Variants in C7orf57 observed in about 807,000 individuals in gnomAD.
C7orf57 encodes the protein uncharacterized protein C7orf57.
Under a neutral mutation model 39.0 loss-of-function variants are expected in C7orf57, and 33 were observed. The observed-to-expected ratio is 0.85, with a 90% CI of 0.64 to 1.13. The LOEUF (loss-of-function observed/expected upper bound fraction) is 1.13. C7orf57 is among the 50% of genes most tolerant of loss of function. The probability of loss-of-function intolerance (pLI) is 0.00; values close to 1 mark genes in which losing one functional copy is unlikely to be tolerated. For missense variants in C7orf57, 346 were observed against 362.3 expected (o/e 0.95, Z 0.37); for synonymous variants, 124 against 137.1 (o/e 0.90, Z 0.67).
intron 2 of C7orf57, among the ~76,000 whole-genome samples, chr7:48,037,813 T>C (rs1790427771): frequency 6.6e-6 from 1 of 151,810 alleles, no homozygotes. Flanking sequence ...TGGTTCTTAC[T>C]GATCCAGGCC....
intron 3 of C7orf57, among the ~76,000 whole-genome samples, chr7:48,042,783 C>A (rs189193951): frequency 3.2e-4 from 49 of 152,248 alleles, no homozygotes; most frequent in African/African-American, 1.0e-3. Flanking sequence ...ATTTTGCTGT[C>A]CTTATGATCA....
Position 48,036,479 on chromosome 7 carries a change from G to A in C7orf57, c.55+116G>A, listed in dbSNP as rs1368594164. ...TGGGCTGGAGGGGGGTGTGAACGAT[G>A]GAGGACCAAGTGATAAAACTAACAA... On this transcript the variant is annotated intron_variant, in intron 2 of 8. Transcript: ENST00000348904. The A allele has an allele frequency of 1.8e-5, 17 of 924,338 alleles. No individual in the cohort carries two copies. In the East Asian group the frequency reaches 4.6e-4, roughly 25 times the overall value. 57.3% of individuals were successfully genotyped at this position (924,338 alleles called of 1,614,324 possible).
Position 48,036,304 on chromosome 7 carries a change from T to G in C7orf57, c.-5T>G. 6.3e-7 allele frequency: 1 copy of G among 1,583,496 alleles called. No homozygotes were observed. The stretch of plus-strand genomic sequence containing the variant: ...GTCTTTTCCCGCAGCGTGCAGCGCC[T>G]GACCATGAGGAACACAAGCAAGGAA... On this transcript the variant is annotated 5_prime_UTR_variant, in exon 2 of 9. Transcript: ENST00000348904.
At chr7:48,049,017 C>G (rs543081077) in intron 5 of C7orf57, among the ~76,000 whole-genome samples, 5 of 152,052 alleles carry the variant, frequency 3.3e-5, no homozygotes, top group Non-Finnish European at 7.4e-5. Context: ...ATGCCAGGCC[C>G]GAGTTAACCC....
At chr7:48,059,891 T>G (rs1290262892) in intron 8 of C7orf57, among the ~76,000 whole-genome samples, 2 of 152,076 alleles carry the variant, frequency 1.3e-5, no homozygotes, top group East Asian at 3.9e-4. Context: ...TCTTCTCTAC[T>G]CGCCTTGCCC....
intron 3 of C7orf57, among the ~76,000 whole-genome samples, 182 bp from the exon 4 acceptor site, chr7:48,043,299 C>T (rs750054441): frequency 1.3e-5 from 2 of 152,168 alleles, no homozygotes; most frequent in Non-Finnish European, 2.9e-5. Flanking sequence ...AGCAGGACGC[C>T]CACCTGTCAG....
rs113156422 is a variant in C7orf57 at position 48,044,380 on chromosome 7, G to A, written c.350+791G>A. 5.8e-3 allele frequency among the ~76,000 whole-genome samples: 888 copies of A among 152,266 alleles called. 4 individuals are homozygous for A. The highest frequency in any genetic ancestry group is 0.024 in the Middle Eastern group (7 of 294). ...GGACCCAAAGGGGTTTGCCACTGCC[G>A]GCTCAAATGCCTGGGTTTATATGCC... is the stretch of plus-strand genomic sequence containing the variant. On this transcript the variant is annotated intron_variant, in intron 4 of 8. Transcript: ENST00000348904.
Position 48,052,715 on chromosome 7 carries a change from C to T in C7orf57, c.621C>T (p.Asn207=). 1 of 1,613,866 alleles carries T rather than the reference C, an allele frequency of 6.2e-7. No homozygotes were observed. The highest frequency in any genetic ancestry group is 8.5e-7 in the Non-Finnish European group (1 of 1,179,782). The change falls in exon 7 of 9, where the codon AAC becomes AAT. Residue 207 remains asparagine (N), a synonymous_variant. Coordinates refer to ENST00000348904, the MANE Select transcript of C7orf57 (RefSeq NM_001100159.3). ...LSFPPVPGQK[N]SSPTNFSKLI... is the part of the protein sequence containing the mutation. Reference sequence around the variant, plus strand: ...TCTTTTTAAGGCCTGGTCAAAAAAACAGTTCACCTACCAATTTTTCCAAAC... The same window carrying T: ...TCTTTTTAAGGCCTGGTCAAAAAAATAGTTCACCTACCAATTTTTCCAAAC...
intron 4 of C7orf57, among the ~76,000 whole-genome samples, chr7:48,045,304 C>A (rs75587653): frequency 7.1e-6 from 1 of 140,558 alleles, no homozygotes; most frequent in Non-Finnish European, 1.6e-5. Flanking sequence ...TTGTTGTTTT[C>A]AATGCTCATC....
intron 8 of C7orf57, among the ~76,000 whole-genome samples, chr7:48,056,333 G>A (rs1243358307): frequency 1.3e-5 from 2 of 152,068 alleles, no homozygotes; most frequent in Non-Finnish European, 2.9e-5. Context: ...CTACTGAGTT[G>A]AGTTCCTTAT....
intron 2 of C7orf57, among the ~76,000 whole-genome samples, chr7:48,037,425 G>GT (rs1583797071): frequency 6.6e-6 from 1 of 152,138 alleles, no homozygotes; most frequent in East Asian, 1.9e-4. Flanking sequence ...CACACACTTC[G>GT]TAAGTGGCTC....
At position 48,049,871 on chromosome 7, in the gene C7orf57, C is replaced by T; in HGVS notation, c.508-9C>T. ...ACTAACTCAAGGTTTTGTGTGTTTC[C>T]TCACACAGCTGAGGCTACCGGCCAT... On this transcript the variant is annotated splice_polypyrimidine_tract_variant and intron_variant, in intron 5 of 8. Transcript: ENST00000348904. 1.9e-6 allele frequency: 3 copies of T among 1,610,604 alleles called. No individual in the cohort carries two copies. Among genetic ancestry groups the T allele is most frequent in the Non-Finnish European group, 2.5e-6 (3 of 1,177,222 alleles).
intron 6 of C7orf57, among the ~76,000 whole-genome samples, chr7:48,051,817 CTCTTTCTTTCTT>C (rs199558027): frequency 0.11 from 5,754 of 51,032 alleles, 643 homozygotes; most frequent in Non-Finnish European, 0.13. Context: ...CTTTTCTCTT[CTCTTTCTTTCTT>C]TCTTTCTTTC....
chr7:48,038,385 T>TAGAC (rs770812166), intron 2 of C7orf57, among the ~76,000 whole-genome samples: 1 of 119,620 alleles, frequency 8.4e-6, no homozygotes, highest in Non-Finnish European at 1.9e-5. Context: ...TATATACATA[T>TAGAC]AGATAGATAG....
chr7:48,036,574 T>C (rs910571672), intron 2 of C7orf57, among the ~76,000 whole-genome samples: 1 of 151,656 alleles, frequency 6.6e-6, no homozygotes, highest in Admixed American at 6.6e-5. Flanking sequence ...GTGGGGGGAG[T>C]CTTGTTTTTC....
In C7orf57 at chr7:48,050,125, C is replaced by A. The variant is rs893237183; in HGVS notation, c.605+148C>A. 3 of 640,730 alleles carry A rather than the reference C, an allele frequency of 4.7e-6. No homozygotes were observed. In the East Asian group the frequency reaches 8.3e-5, roughly 18 times the overall value. The allele number at this position is 640,730 out of a possible 1,614,324, so 39.7% of individuals were successfully genotyped here. A position where few individuals can be genotyped will look rare whatever the true frequency, so the allele number is the denominator to read the frequency against. ...CCTGGCCTGGCTGTGCCTGTCGCCT[C>A]CTCACTGTGGTTTCTGTTCCTTCCT... On this transcript the variant is annotated intron_variant, in intron 6 of 8. Coordinates refer to ENST00000348904, the MANE Select transcript of C7orf57 (RefSeq NM_001100159.3).
At chr7:48,039,380 C>T (rs1790478559) in intron 2 of C7orf57, among the ~76,000 whole-genome samples, 1 of 152,084 alleles carries the variant, frequency 6.6e-6, no homozygotes. Context: ...TGCCTGAATT[C>T]CAAAGGAAGG....
chr7:48,053,585 G>A (rs1341597814), intron 7 of C7orf57, among the ~76,000 whole-genome samples: 1 of 152,034 alleles, frequency 6.6e-6, no homozygotes, highest in Non-Finnish European at 1.5e-5. Context: ...CCAAGTAGCT[G>A]GGACTATAGA....
At chr7:48,044,006 T>C (rs1166776569) in intron 4 of C7orf57, among the ~76,000 whole-genome samples, 1 of 152,134 alleles carries the variant, frequency 6.6e-6, no homozygotes, top group Admixed American at 6.5e-5. Context: ...GGGCCATGCA[T>C]GAGTGTTATA....
Sources: gnomAD v4.1 joint callset for allele counts (sites outside exome capture counted in the v4.1 genomes callset) on GRCh38, gnomAD v4.1.1 for gene constraint, MANE v1.5 for transcripts, NCBI Gene and HGNC (gene_info 2026-07-23, HGNC 2026-07-21) for gene names.